The following BCL2 variants were observed in gnomAD, a reference collection of about 807,000 sequenced individuals.
BCL2 encodes apoptosis regulator Bcl-2.
Under a neutral mutation model 14.2 loss-of-function variants are expected in BCL2, and 1 was observed. The observed-to-expected ratio is 0.07, with a 90% confidence interval of 0.02 to 0.33. The LOEUF (loss-of-function observed/expected upper bound fraction) is 0.33. Among genes scored for constraint, BCL2 ranks in the 10% least tolerant of loss-of-function variants. The pLI is 0.99. For synonymous variants in BCL2, 151 were observed against 137.2 expected, an observed-to-expected ratio of 1.10 and a Z score of -0.70; for missense variants, 247 against 305.9, an observed-to-expected ratio of 0.81 and a Z score of 1.44.
rs11426842 is a variant in BCL2, at chr18:63,291,726, CT to C, written c.585+26355del. Among the ~76,000 whole-genome samples the C allele has an allele frequency of 4.9e-3, 718 of 146,134 alleles. 15 individuals are homozygous for C. In the East Asian group the frequency reaches 0.062, roughly 13 times the overall value. ...GGCCCTGGAGTACTCATGAGTATTT[CT>C]TTTTTTTTTTTTCTCAATAAAGCGG... On this transcript the variant is annotated intron_variant, in intron 2 of 2. Transcript: ENST00000333681.
At chr18:63,154,067 C>T (rs1914715569) in intron 2 of BCL2, among the ~76,000 whole-genome samples, 1 of 152,202 alleles carries the variant, frequency 6.6e-6, no homozygotes, top group Non-Finnish European at 1.5e-5. Context: ...TCAAACCCAA[C>T]ACAGCACAAA....
chr18:63,150,573 T>C (rs1271912693), intron 2 of BCL2, among the ~76,000 whole-genome samples: 1 of 152,214 alleles, frequency 6.6e-6, no homozygotes, highest in Non-Finnish European at 1.5e-5. Flanking sequence ...GAGTGACTTT[T>C]CCCTTTCTCT....
In BCL2 at chr18:63,127,512, A is replaced by T. The variant is rs1913942359; in HGVS notation, c.*1113T>A. The T allele has an allele frequency of 4.3e-6, 1 of 231,800 alleles. No homozygotes were observed. Among genetic ancestry groups the T allele is most frequent in the African/African-American group, 2.2e-5 (1 of 45,202 alleles). 14.4% of individuals were successfully genotyped at this position (231,800 alleles called of 1,614,324 possible). A position where few individuals can be genotyped will look rare whatever the true frequency, so the allele number is the denominator to read the frequency against. The stretch of plus-strand genomic sequence containing the variant: ...CACCCCTCTACTGCTCTTTCTTGAC[A>T]GTGGAATTCTGAGCTCCATCAGCTT... On this transcript the variant is annotated 3_prime_UTR_variant, in exon 3 of 3. Coordinates refer to ENST00000333681, the MANE Select transcript of BCL2 (RefSeq NM_000633.3).
At chr18:63,206,937 A>T (rs1909854141) in intron 2 of BCL2, among the ~76,000 whole-genome samples, 1 of 152,076 alleles carries the variant, frequency 6.6e-6, no homozygotes, top group African/African-American at 2.4e-5. Context: ...CGACTTAAAG[A>T]CGGTTTCCAG....
At chr18:63,220,681 A>C (rs1046647013) in intron 2 of BCL2, among the ~76,000 whole-genome samples, 6 of 152,234 alleles carry the variant, frequency 3.9e-5, no homozygotes, top group Non-Finnish European at 5.9e-5. Context: ...GATCAGATGA[A>C]TTCATCATAT....
At chr18:63,304,945 T>C (rs1327082210) in intron 2 of BCL2, among the ~76,000 whole-genome samples, 1 of 152,198 alleles carries the variant, frequency 6.6e-6, no homozygotes, top group Non-Finnish European at 1.5e-5. Flanking sequence ...CAGTCACACA[T>C]GTTCATCTAA....
intron 2 of BCL2, among the ~76,000 whole-genome samples, chr18:63,198,635 C>T (rs1415106222): frequency 6.8e-6 from 1 of 146,574 alleles, no homozygotes; most frequent in African/African-American, 2.6e-5. Context: ...GACACAGAGA[C>T]ACACACACAG....
rs538602848 is a variant in BCL2 at position 63,210,792 on chromosome 18, C to T, written c.586-82033G>A. Reference sequence around the variant, plus strand: ...TTCCATTCACTTCTGCAGGACTCTGCTAAATAATGCTGGTTGCTTGCAGCT... The same window carrying T: ...TTCCATTCACTTCTGCAGGACTCTGTTAAATAATGCTGGTTGCTTGCAGCT... On this transcript the variant is annotated intron_variant, in intron 2 of 2. Transcript: ENST00000333681. Among the ~76,000 whole-genome samples the T allele has an allele frequency of 3.2e-4, 48 of 152,198 alleles. 2 individuals are homozygous for T. In the South Asian group the frequency reaches 9.5e-3, roughly 30 times the overall value.
intron 2 of BCL2, among the ~76,000 whole-genome samples, chr18:63,193,313 G>A (rs1909338546): frequency 6.6e-6 from 1 of 152,154 alleles, no homozygotes; most frequent in African/African-American, 2.4e-5. Context: ...GTGTCTGTGT[G>A]TGAGTGTGTG....
intron 2 of BCL2, among the ~76,000 whole-genome samples, chr18:63,297,936 G>A (rs1378190911): frequency 1.3e-5 from 2 of 152,270 alleles, no homozygotes; most frequent in Middle Eastern, 3.4e-3. Context: ...CCTGGGATCC[G>A]TATTCCTGTG....
At chr18:63,225,433 C>T (rs1027890930) in intron 2 of BCL2, among the ~76,000 whole-genome samples, 1 of 152,050 alleles carries the variant, frequency 6.6e-6, no homozygotes, top group Non-Finnish European at 1.5e-5. Flanking sequence ...CATATATATG[C>T]TAGAAGAAAA....
At position 63,144,797 on chromosome 18, in the gene BCL2, C is replaced by T. The variant is rs113379725; in HGVS notation, c.586-16038G>A. On this transcript the variant is annotated intron_variant, in intron 2 of 2. Coordinates refer to ENST00000333681, the MANE Select transcript of BCL2 (RefSeq NM_000633.3). ...GTATGCCGTCAGGGGTGAGTCAGAG[C>T]GAATGGGGCCACATCAACAGAAAGA... Among the ~76,000 whole-genome samples the T allele has an allele frequency of 2.4e-4, 36 of 152,220 alleles. No homozygotes were observed. The East Asian group carries it at 2.9e-3, about 12-fold the overall frequency.
At chr18:63,293,960 CTT>C (rs397698226) in intron 2 of BCL2, among the ~76,000 whole-genome samples, 1 of 147,838 alleles carries the variant, frequency 6.8e-6, no homozygotes, top group African/African-American at 2.5e-5. Context: ...CTTTTTTTCT[CTT>C]TTTTTTTTTG....
At chr18:63,156,867 T>G (rs1254008865) in intron 2 of BCL2, among the ~76,000 whole-genome samples, 3 of 152,046 alleles carry the variant, frequency 2.0e-5, no homozygotes, top group Non-Finnish European at 4.4e-5. Flanking sequence ...CCAGGAGGCG[T>G]CTCTCTGGTG....
intron 2 of BCL2, among the ~76,000 whole-genome samples, chr18:63,229,262 T>C (rs533645273): frequency 1.3e-5 from 2 of 152,312 alleles, no homozygotes; most frequent in African/African-American, 4.8e-5. Flanking sequence ...ATGTATTCAA[T>C]TTATTATTTT....
chr18:63,253,612 T>G (rs1315638066), intron 2 of BCL2, among the ~76,000 whole-genome samples: 1 of 152,174 alleles, frequency 6.6e-6, no homozygotes, highest in East Asian at 1.9e-4. Flanking sequence ...GGAAACTATT[T>G]GAGATGGCCG....
At position 63,128,420 on chromosome 18, in the gene BCL2, A is replaced by G; in HGVS notation, c.*205T>C. On this transcript the variant is annotated 3_prime_UTR_variant, in exon 3 of 3. Transcript: ENST00000333681. Reference sequence around the variant, plus strand: ...AAAATAAATGATATTTCCCTTTGGCAGTAAATAGCTGATTCGACGTTTTGC... The same window carrying G: ...AAAATAAATGATATTTCCCTTTGGCGGTAAATAGCTGATTCGACGTTTTGC... 1 of 438,652 alleles carries G rather than the reference A, an allele frequency of 2.3e-6. No homozygotes were observed. The highest frequency in any genetic ancestry group is 4.1e-6 in the Non-Finnish European group (1 of 245,484). 27.2% of individuals were successfully genotyped at this position (438,652 alleles called of 1,614,324 possible).
At chr18:63,190,536 C>T (rs1909260836) in intron 2 of BCL2, among the ~76,000 whole-genome samples, 1 of 152,208 alleles carries the variant, frequency 6.6e-6, no homozygotes, top group Non-Finnish European at 1.5e-5. Flanking sequence ...GTCCACTTTT[C>T]ACTTTCAGAT....
At chr18:63,150,391 G>C (rs1914625219) in intron 2 of BCL2, among the ~76,000 whole-genome samples, 1 of 152,264 alleles carries the variant, frequency 6.6e-6, no homozygotes, top group Non-Finnish European at 1.5e-5. Flanking sequence ...GTGGGCCCAG[G>C]AGGGCTGAAA....
Sources: gnomAD v4.1 joint callset for allele counts (sites outside exome capture counted in the v4.1 genomes callset) on GRCh38, gnomAD v4.1.1 for gene constraint, MANE v1.5 for transcripts, NCBI Gene and HGNC (gene_info 2026-07-23, HGNC 2026-07-21) for gene names.